Variants in ALOX15 observed in about 807,000 individuals in gnomAD.
The protein encoded by ALOX15 is polyunsaturated fatty acid lipoxygenase ALOX15.
A neutral mutation model predicts 71.7 loss-of-function variants in ALOX15; 68 were observed. That is an observed-to-expected ratio of 0.95 (90% confidence interval 0.78 to 1.16). The LOEUF (loss-of-function observed/expected upper bound fraction) is 1.16. ALOX15 is among the 50% of genes most tolerant of loss of function. ALOX15 has a pLI of 0.00. For missense variants in ALOX15, 798 were observed against 818.8 expected (o/e 0.97, Z 0.31); for synonymous variants, 346 against 333.3 (o/e 1.04, Z -0.42).
chr17:4,641,094 G>A (rs980750531), intron 1 of ALOX15, among the ~76,000 whole-genome samples: 4 of 134,896 alleles, frequency 3.0e-5, no homozygotes, highest in African/African-American at 1.4e-4. Context: ...CTCCTGTCTT[G>A]ACTCCCCATC....
Position 4,633,325 on chromosome 17 carries a change from G to A in ALOX15, c.1249-10C>T. ...CACCAGTGCTCATTATCTGAGAAGT[G>A]AGGGTGAGCAGGGTCAGGCGAATCG... On this transcript the variant is annotated splice_polypyrimidine_tract_variant and intron_variant, in intron 9 of 13. Coordinates refer to ENST00000293761, the MANE Select transcript of ALOX15 (RefSeq NM_001140.5). The A allele has an allele frequency of 6.2e-7, 1 of 1,612,778 alleles. No individual in the cohort carries two copies. Among genetic ancestry groups the A allele is most frequent in the Non-Finnish European group, 8.5e-7 (1 of 1,178,950 alleles).
intron 11 of ALOX15, 63 bp downstream of exon 11, chr17:4,632,798 G>A: frequency 6.2e-7 from 1 of 1,609,186 alleles, no homozygotes. Flanking sequence ...CAGAAGCACA[G>A]GGGATTCTGG....
Position 4,633,295 on chromosome 17 carries a change from T to C in ALOX15, c.1269A>G (p.Gly423=). The C allele has an allele frequency of 3.1e-6, 5 of 1,613,776 alleles. No homozygotes were observed. Among genetic ancestry groups the C allele is most frequent in the Non-Finnish European group, 4.2e-6 (5 of 1,179,856 alleles). ...CTTGCTTGAGCAGCTGCACGTGGCC[T>C]CCCCCACCAGTGCTCATTATCTGAG... ...IFDQIMSTGG[G]GHVQLLKQAG... The change falls in exon 10 of 14, where the codon GGA becomes GGG. Residue 423 remains glycine (G), a synonymous_variant. Coordinates refer to ENST00000293761, the MANE Select transcript of ALOX15 (RefSeq NM_001140.5).
chr17:4,639,565 G>T lies in ALOX15; in HGVS notation c.202C>A (p.Arg68=), dbSNP rs200209568. The change falls in exon 2 of 14, where the codon CGG becomes AGG. Residue 68 remains arginine (R), a synonymous_variant. Coordinates refer to ENST00000293761, the MANE Select transcript of ALOX15 (RefSeq NM_001140.5). ...GPLLFVKLRK[R]HLLKDDAWFC... is the part of the protein sequence containing the mutation. ...CAGGCGTCGTCCTTAAGGAGGTGCCGTTTGCGCAGTTTCACAAACAGCAGC... is the reference window on the plus strand; with the variant it reads ...CAGGCGTCGTCCTTAAGGAGGTGCCTTTTGCGCAGTTTCACAAACAGCAGC... 1 of 1,614,090 alleles carries T rather than the reference G, an allele frequency of 6.2e-7. No homozygotes were observed. The highest frequency in any genetic ancestry group is 8.5e-7 in the Non-Finnish European group (1 of 1,180,032).
Position 4,639,636 on chromosome 17 carries a change from G to T in ALOX15, c.136-5C>A. 1.2e-6 allele frequency: 2 copies of T among 1,607,390 alleles called. No homozygotes were observed. Among genetic ancestry groups the T allele is most frequent in the Non-Finnish European group, 1.7e-6 (2 of 1,176,934 alleles). ...TTCCACCTTGAGTTCTGTCTCCTGC[G>T]GGCGACAGAAGAGGCTCAGCCCCGG... is the stretch of plus-strand genomic sequence containing the variant. On this transcript the variant is annotated splice_region_variant and splice_polypyrimidine_tract_variant and intron_variant, in intron 1 of 13. Coordinates refer to ENST00000293761, the MANE Select transcript of ALOX15 (RefSeq NM_001140.5).
At chr17:4,632,546 T>C (rs1261643718) in intron 11 of ALOX15, among the ~76,000 whole-genome samples, 1 of 152,118 alleles carries the variant, frequency 6.6e-6, no homozygotes, top group Non-Finnish European at 1.5e-5. Flanking sequence ...CTGGTCAGCA[T>C]CACCTTGGTA....
chr17:4,638,570 G>C lies in ALOX15; in HGVS notation c.646+11C>G. 6.2e-7 allele frequency: 1 copy of C among 1,612,664 alleles called. No homozygotes were observed. The highest frequency in any genetic ancestry group is 2.2e-5 in the East Asian group (1 of 44,872). On this transcript the variant is annotated intron_variant, in intron 5 of 13. Transcript: ENST00000293761. The stretch of plus-strand genomic sequence containing the variant: ...GGGGGGTTGGGAGACATACTGGGGT[G>C]GGGGACTGACCAGCCAGCTTGCTCT...
Position 4,639,596 on chromosome 17 carries a change from C to T in ALOX15, c.171G>A (p.Leu57=). 1.9e-6 allele frequency: 3 copies of T among 1,613,874 alleles called. No homozygotes were observed. The highest frequency in any genetic ancestry group is 2.5e-6 in the Non-Finnish European group (3 of 1,179,918). Residue 57 remains leucine, a synonymous_variant, in exon 2 of 14, where the codon CTG becomes CTA. Coordinates refer to ENST00000293761, the MANE Select transcript of ALOX15 (RefSeq NM_001140.5). ...GCAGTTTCACAAACAGCAGCGGCCC[C>T]AGATACTCCGGTACTTCCACCTTGA... The part of the protein sequence containing the change: ...TELKVEVPEY[L]GPLLFVKLRK...
intron 1 of ALOX15, among the ~76,000 whole-genome samples, 155 bp downstream of exon 1, chr17:4,641,362 C>T (rs1227582443): frequency 6.6e-6 from 1 of 152,242 alleles, no homozygotes; most frequent in African/African-American, 2.4e-5. Flanking sequence ...CCTAAAGCCC[C>T]CCACCCCCGT....
chr17:4,637,180 G>T lies in ALOX15; in HGVS notation c.886C>A (p.Leu296Met), dbSNP rs199757246. 24 of 1,613,918 alleles carry T rather than the reference G, an allele frequency of 1.5e-5. No individual in the cohort carries two copies. Among genetic ancestry groups the T allele is most frequent in the Non-Finnish European group, 1.7e-5 (20 of 1,179,958 alleles). Residue 296 changes from leucine to methionine, a missense_variant, in exon 7 of 14, where the codon CTG becomes ATG. By Grantham distance (15) the Leu-to-Met change is conservative. Coordinates refer to ENST00000293761, the MANE Select transcript of ALOX15 (RefSeq NM_001140.5). ...ANVILCSQQH[L>M]AAPLVMLKLQ... is the part of the protein sequence containing the mutation. ...TTCAGCATGACTAGAGGGGCAGCCAGGTGCTGCTGGCTACAGAGAATGACG... is the reference window on the plus strand; with the variant it reads ...TTCAGCATGACTAGAGGGGCAGCCATGTGCTGCTGGCTACAGAGAATGACG...
chr17:4,631,416 G>A lies in ALOX15; in HGVS notation c.*184C>T. ...GGAGGAAGGAAGGAAAGAGGAGTAA[G>A]GTCCCAGGTGATGCCTCTAGAGTAA... On this transcript the variant is annotated 3_prime_UTR_variant, in exon 14 of 14. Transcript: ENST00000293761. 1 of 642,720 alleles carries A rather than the reference G, an allele frequency of 1.6e-6. No individual in the cohort carries two copies. Among genetic ancestry groups the A allele is most frequent in the Non-Finnish European group, 2.6e-6 (1 of 380,008 alleles). 39.8% of individuals were successfully genotyped at this position (642,720 alleles called of 1,614,324 possible). A position where few individuals can be genotyped will look rare whatever the true frequency, so the allele number is the denominator to read the frequency against.
Position 4,637,244 on chromosome 17 carries a change from G to T in ALOX15, c.822C>A (p.Phe274Leu), listed in dbSNP as rs146411013. The change falls in exon 7 of 14, where the codon TTC becomes TTA. Residue 274 changes from phenylalanine (F) to leucine (L), a missense_variant. Transcript: ENST00000293761. ...CATCCAGCAGGGAGAAGTCAGCTTC[G>T]AACAGTGTGCCTCCCTGGGTGGGGG... ...LEKELEGGTL[F>L]EADFSLLDGI... 3.5e-5 allele frequency: 57 copies of T among 1,612,926 alleles called. No homozygotes were observed. Among genetic ancestry groups the T allele is most frequent in the Non-Finnish European group, 3.7e-5 (44 of 1,179,252 alleles).
chr17:4,632,101 G>A (rs376763252), intron 12 of ALOX15, 45 bp from the exon 13 acceptor site: 15 of 1,610,146 alleles, frequency 9.3e-6, no homozygotes, highest in East Asian at 8.9e-5. Flanking sequence ...CCAAGCACGC[G>A]AGCCCCGTGG....
intron 11 of ALOX15, among the ~76,000 whole-genome samples, chr17:4,632,523 G>C (rs1468618542): frequency 2.0e-5 from 3 of 152,138 alleles, no homozygotes; most frequent in Non-Finnish European, 4.4e-5. Context: ...CATGACGTTA[G>C]GTGTTTAGCA....
chr17:4,636,020 C>T (rs760275374), intron 7 of ALOX15, 52 bp from the exon 8 acceptor site: 21 of 1,552,848 alleles, frequency 1.4e-5, no homozygotes, highest in East Asian at 4.5e-5. Flanking sequence ...AGGCACTCAG[C>T]GATTCCCGCC....
At chr17:4,635,437 A>C (rs1911063799) in intron 8 of ALOX15, among the ~76,000 whole-genome samples, 1 of 152,152 alleles carries the variant, frequency 6.6e-6, no homozygotes, top group Admixed American at 6.5e-5. Flanking sequence ...TCTCAAAAAA[A>C]AAAAAAAAAT....
intron 1 of ALOX15, 43 bp from the exon 2 acceptor site, chr17:4,639,674 G>A: frequency 6.4e-7 from 1 of 1,562,552 alleles, no homozygotes; most frequent in East Asian, 2.4e-5. Flanking sequence ...GGGCCTGGCG[G>A]GAGGGGCACC....
Position 4,637,408 on chromosome 17 carries a change from A to T in ALOX15, c.808-150T>A, listed in dbSNP as rs967578294. 1.5e-4 allele frequency: 122 copies of T among 817,964 alleles called. 1 individual carries two copies. Among genetic ancestry groups the T allele is most frequent in the Middle Eastern group, 1.3e-3 (5 of 3,890 alleles). 50.7% of individuals were successfully genotyped at this position (817,964 alleles called of 1,614,324 possible). A position where few individuals can be genotyped will look rare whatever the true frequency, so the allele number is the denominator to read the frequency against. Reference sequence around the variant, plus strand: ...GATCATGTGCTTACTTCCTCATATCATTTTTTTTTTTAATCAGGGTCTTAC... The same window carrying T: ...GATCATGTGCTTACTTCCTCATATCTTTTTTTTTTTTAATCAGGGTCTTAC... On this transcript the variant is annotated intron_variant, in intron 6 of 13. Transcript: ENST00000293761.
At chr17:4,638,471 G>A in intron 5 of ALOX15, 94 bp from the exon 6 acceptor site, 1 of 1,027,382 alleles carries the variant, frequency 9.7e-7, no homozygotes, top group Non-Finnish European at 1.5e-6. Context: ...GCCCACCAGA[G>A]GGACCCAAGT....
Sources: gnomAD v4.1 joint callset for allele counts (sites outside exome capture counted in the v4.1 genomes callset) on GRCh38, gnomAD v4.1.1 for gene constraint, MANE v1.5 for transcripts, NCBI Gene and HGNC (gene_info 2026-07-23, HGNC 2026-07-21) for gene names.